The following PTPRN2 variants were observed in gnomAD, a reference collection of about 807,000 sequenced individuals.
PTPRN2 encodes receptor-type tyrosine-protein phosphatase N2.
In PTPRN2, 74 loss-of-function variants were observed where a neutral mutation model predicts 118.8. The ratio of observed to expected loss-of-function variants is 0.62; its 90% CI spans 0.52 to 0.76. The LOEUF (loss-of-function observed/expected upper bound fraction) is 0.76, where lower values mean the gene tolerates loss of function less well. Ranked by LOEUF, PTPRN2 falls within the 30% of genes least tolerant of loss-of-function variation. The probability of loss-of-function intolerance (pLI) is 0.00; values close to 1 mark genes in which losing one functional copy is unlikely to be tolerated. For missense variants in PTPRN2, 1,481 were observed against 1,394.4 expected, an observed-to-expected ratio of 1.06 and a Z score of -0.99; for synonymous variants, 641 against 608.0, an observed-to-expected ratio of 1.05 and a Z score of -0.80.
intron 11 of PTPRN2, among the ~76,000 whole-genome samples, chr7:158,041,501 G>A (rs1481669841): frequency 6.6e-6 from 1 of 151,974 alleles, no homozygotes; most frequent in East Asian, 1.9e-4. Flanking sequence ...AGCCTGGGGT[G>A]GTGGTACACA....
chr7:158,316,775 G>T, intron 3 of PTPRN2, 44 bp downstream of exon 3: 1 of 1,441,798 alleles, frequency 6.9e-7, no homozygotes, highest in Non-Finnish European at 9.4e-7. Flanking sequence ...CCGTGCGGTC[G>T]CTCAGTGCGG....
rs377283136 is a variant in PTPRN2 at position 157,667,176 on chromosome 7, T to A, written c.2002-10625A>T. On this transcript the variant is annotated intron_variant, in intron 13 of 22. Transcript: ENST00000389418. ...GCTCAGCCTGTGGGACACTGATCTC[T>A]GGTGTGTGCAATGAGTACACAGCCT... Among the ~76,000 whole-genome samples, 11 of 71,260 alleles carry A rather than the reference T, an allele frequency of 1.5e-4. 1 individual carries two copies. Among genetic ancestry groups the A allele is most frequent in the Non-Finnish European group, 3.2e-4 (9 of 28,238 alleles). 46.7% of individuals were successfully genotyped at this position (71,260 alleles called of 152,430 possible).
At chr7:158,183,475 T>A (rs796437914) in intron 5 of PTPRN2, among the ~76,000 whole-genome samples, 1 of 152,156 alleles carries the variant, frequency 6.6e-6, no homozygotes, top group Admixed American at 6.5e-5. Flanking sequence ...CAAGATTAGA[T>A]TGCAAATTTC....
intron 11 of PTPRN2, among the ~76,000 whole-genome samples, chr7:158,080,636 T>C (rs1306513487): frequency 1.3e-5 from 2 of 151,460 alleles, no homozygotes; most frequent in Non-Finnish European, 2.9e-5. Context: ...ACCATCCCAT[T>C]CTGTTCTTCA....
chr7:158,171,344 T>TAC (rs1563555950), intron 5 of PTPRN2, among the ~76,000 whole-genome samples: 22 of 122,300 alleles, frequency 1.8e-4, no homozygotes, highest in African/African-American at 7.3e-4. Flanking sequence ...TATATATATA[T>TAC]ATATACACAC....
intron 9 of PTPRN2, among the ~76,000 whole-genome samples, chr7:158,132,543 C>G (rs1818437768): frequency 7.3e-6 from 1 of 136,540 alleles, no homozygotes. Flanking sequence ...CATATACACA[C>G]ACATGCATAC....
At chr7:157,984,508 G>C (rs62475450) in intron 11 of PTPRN2, among the ~76,000 whole-genome samples, 111,578 of 135,212 alleles carry the variant, frequency 0.83, 46,220 homozygotes, top group African/African-American at 0.84. Context: ...CAGCGGCACC[G>C]GTTCTGGCTG....
chr7:157,760,018 C>A (rs1407781194), intron 12 of PTPRN2, among the ~76,000 whole-genome samples: 1 of 152,204 alleles, frequency 6.6e-6, no homozygotes, highest in Admixed American at 6.5e-5. Flanking sequence ...GGGGGACCCA[C>A]CCCTTCCTTC....
intron 3 of PTPRN2, among the ~76,000 whole-genome samples, chr7:158,205,517 T>G (rs571818068): frequency 7.2e-5 from 11 of 152,004 alleles, no homozygotes; most frequent in Non-Finnish European, 1.0e-4. Flanking sequence ...TGGGTGAGAG[T>G]GGAGAAAGCT....
intron 11 of PTPRN2, among the ~76,000 whole-genome samples, chr7:158,064,154 T>C (rs1810575575): frequency 6.6e-6 from 1 of 152,188 alleles, no homozygotes. Flanking sequence ...CCTTCCCACA[T>C]ACGAGGACAG....
chr7:158,452,537 C>T (rs970910646), intron 2 of PTPRN2, among the ~76,000 whole-genome samples: 4 of 152,136 alleles, frequency 2.6e-5, no homozygotes, highest in African/African-American at 7.2e-5. Context: ...AACCTTGTCC[C>T]GGGCGGCCTC....
intron 11 of PTPRN2, among the ~76,000 whole-genome samples, chr7:158,062,006 A>G (rs549670949): frequency 2.0e-5 from 3 of 152,260 alleles, no homozygotes; most frequent in African/African-American, 4.8e-5. Context: ...GAGCACGGCC[A>G]TGGTCCTGCT....
At chr7:158,117,476 A>T (rs1194651847) in intron 9 of PTPRN2, among the ~76,000 whole-genome samples, 2 of 152,040 alleles carry the variant, frequency 1.3e-5, no homozygotes, top group Non-Finnish European at 2.9e-5. Context: ...TGCCCAAAAG[A>T]AAAAAAAGAG....
Position 157,591,450 on chromosome 7 carries a change from C to T in PTPRN2, c.2496+3788G>A, listed in dbSNP as rs548457938. Among the ~76,000 whole-genome samples, 2 of 152,354 alleles carry T rather than the reference C, an allele frequency of 1.3e-5. No homozygotes were observed. The highest frequency in any genetic ancestry group is 3.9e-4 in the East Asian group (2 of 5,188). On this transcript the variant is annotated intron_variant, in intron 17 of 22. Coordinates refer to ENST00000389418, the MANE Select transcript of PTPRN2 (RefSeq NM_002847.5). This position sits in a 1 kb window ranked among gnomAD's most constrained non-coding sequence, Gnocchi z 4.4. ...TCCAGAATGGGGATGCAGGAGGAGA[C>T]GGTCACTCCAACTCAGCCTGTTGAC...
intron 2 of PTPRN2, among the ~76,000 whole-genome samples, chr7:158,409,748 C>T (rs1362315327): frequency 1.3e-5 from 2 of 152,174 alleles, no homozygotes; most frequent in Admixed American, 1.3e-4. Context: ...CTCAGACCCT[C>T]GCTCTGAAGA....
At chr7:157,884,910 G>A (rs1426058925) in intron 12 of PTPRN2, among the ~76,000 whole-genome samples, 1 of 151,528 alleles carries the variant, frequency 6.6e-6, no homozygotes, top group Non-Finnish European at 1.5e-5. Context: ...CTCTGTCTCA[G>A]CAGATGATGG....
intron 11 of PTPRN2, among the ~76,000 whole-genome samples, chr7:157,972,895 G>T (rs13309952): frequency 1.0e-5 from 1 of 98,764 alleles, no homozygotes. Context: ...TCAGAGACCA[G>T]AGTAACTCCA....
chr7:158,290,980 G>T (rs547015015), intron 3 of PTPRN2, among the ~76,000 whole-genome samples: 24 of 152,324 alleles, frequency 1.6e-4, no homozygotes, highest in African/African-American at 5.3e-4. Context: ...TCTTTAAGAA[G>T]TCAGCAGATA....
chr7:157,800,049 C>A (rs899836313), intron 12 of PTPRN2, among the ~76,000 whole-genome samples: 1 of 149,428 alleles, frequency 6.7e-6, no homozygotes, highest in Non-Finnish European at 1.5e-5. Context: ...GGCACCACAG[C>A]CGGCCTCCCC....
Sources: gnomAD v4.1 joint callset for allele counts (sites outside exome capture counted in the v4.1 genomes callset) on GRCh38, gnomAD v4.1.1 for gene constraint, Gnocchi (gnomAD v3.1) non-coding constraint, MANE v1.5 for transcripts, NCBI Gene and HGNC (gene_info 2026-07-23, HGNC 2026-07-21) for gene names.